The following YAF2 variants were observed in gnomAD, a reference collection of about 807,000 sequenced individuals.
The protein encoded by YAF2 is YY1 associated factor 2, also known as YY1-associated factor 2.
In YAF2, 7 loss-of-function variants were observed where a neutral mutation model predicts 20.1. That is an observed-to-expected ratio of 0.35 (90% CI 0.20 to 0.65). The LOEUF (loss-of-function observed/expected upper bound fraction) is 0.65, where lower values mean the gene tolerates loss of function less well. Ranked by LOEUF, YAF2 falls within the 30% of genes least tolerant of loss-of-function variation. The pLI is 0.69. For synonymous variants in YAF2, 74 were observed against 76.0 expected (o/e 0.97, Z 0.14); for missense variants, 151 against 219.2 (o/e 0.69, Z 1.96).
At chr12:42,176,416 C>T (rs573965080) in intron 2 of YAF2, among the ~76,000 whole-genome samples, 1 of 152,004 alleles carries the variant, frequency 6.6e-6, no homozygotes, top group African/African-American at 2.4e-5. Context: ...CAACCATGCC[C>T]AACCAACAAT....
intron 2 of YAF2, among the ~76,000 whole-genome samples, chr12:42,167,103 C>A (rs2065932879): frequency 6.7e-6 from 1 of 149,612 alleles, no homozygotes; most frequent in African/African-American, 2.5e-5. Flanking sequence ...AACACATGGA[C>A]ACAGGGAGGG....
At chr12:42,237,885 G>C (rs1477238504) in intron 1 of YAF2, 161 bp from the exon 2 acceptor site, 3 of 635,842 alleles carry the variant, frequency 4.7e-6, no homozygotes, top group Non-Finnish European at 5.9e-6. Context: ...GGGGAAGGGA[G>C]TCAGGAAGAG....
intron 2 of YAF2, among the ~76,000 whole-genome samples, chr12:42,196,445 G>A (rs960418518): frequency 1.3e-5 from 2 of 152,126 alleles, no homozygotes; most frequent in African/African-American, 4.8e-5. Flanking sequence ...ATGTTAAGAA[G>A]TGTGGACCAT....
chr12:42,192,243 C>T (rs1488351915), intron 2 of YAF2, among the ~76,000 whole-genome samples: 1 of 152,026 alleles, frequency 6.6e-6, no homozygotes, highest in Non-Finnish European at 1.5e-5. Flanking sequence ...CATCGTGGCA[C>T]ATGCCTGTAA....
At chr12:42,218,186 ACACACACACACACACACAC>A (rs1175304098) in intron 2 of YAF2, among the ~76,000 whole-genome samples, 1 of 5,334 alleles carries the variant, frequency 1.9e-4, no homozygotes, top group Non-Finnish European at 4.1e-4. Context: ...CTACTAGGAA[ACACACACACACACACACAC>A]ACACACACAC....
chr12:42,221,247 T>G (rs908670762), intron 2 of YAF2, among the ~76,000 whole-genome samples: 1 of 152,152 alleles, frequency 6.6e-6, no homozygotes, highest in Admixed American at 6.6e-5. Flanking sequence ...TGCTAGCAAA[T>G]TTAATTAAAT....
At chr12:42,229,121 T>C (rs1374708569) in intron 2 of YAF2, among the ~76,000 whole-genome samples, 3 of 53,426 alleles carry the variant, frequency 5.6e-5, no homozygotes, top group South Asian at 6.8e-4. Context: ...CCCCCAACCC[T>C]GTGCTCTCTG....
chr12:42,230,053 T>C lies in YAF2; in HGVS notation c.152+7546A>G, dbSNP rs188447692. ...GCAGGCGGATCACGAGGTCAGGAGA[T>C]GGAGACCATCCTGGCCAACATGGTG... On this transcript the variant is annotated intron_variant, in intron 2 of 3. Transcript: ENST00000534854. Among the ~76,000 whole-genome samples the C allele has an allele frequency of 1.7e-4, 26 of 152,164 alleles. No homozygotes were observed. In the East Asian group the frequency reaches 4.1e-3, roughly 24 times the overall value.
intron 2 of YAF2, among the ~76,000 whole-genome samples, chr12:42,200,226 A>G (rs1252450212): frequency 6.6e-6 from 1 of 152,238 alleles, no homozygotes; most frequent in Non-Finnish European, 1.5e-5. Context: ...CGTGCTCCAA[A>G]TCAAGACATT....
Position 42,233,936 on chromosome 12 carries a change from C to T in YAF2, c.152+3663G>A, listed in dbSNP as rs546724932. On this transcript the variant is annotated intron_variant, in intron 2 of 3. Transcript: ENST00000534854. Reference sequence around the variant, plus strand: ...CTGTAATCCCAGCACTTTGGGAAGCCGACGCAGACGGATCACCTGAGGTCA... The same window carrying T: ...CTGTAATCCCAGCACTTTGGGAAGCTGACGCAGACGGATCACCTGAGGTCA... 130 of 980,380 alleles carry T rather than the reference C, an allele frequency of 1.3e-4. No individual in the cohort carries two copies. In the South Asian group the frequency reaches 2.7e-3, roughly 21 times the overall value. The allele number at this position is 980,380 out of a possible 1,614,324, so 60.7% of individuals were successfully genotyped here. A position where few individuals can be genotyped will look rare whatever the true frequency, so the allele number is the denominator to read the frequency against.
intron 2 of YAF2, among the ~76,000 whole-genome samples, chr12:42,188,792 C>T (rs187494353): frequency 6.6e-6 from 1 of 151,942 alleles, no homozygotes; most frequent in East Asian, 1.9e-4. Flanking sequence ...TGTTGAGACG[C>T]TATTCACTTC....
intron 2 of YAF2, among the ~76,000 whole-genome samples, chr12:42,163,126 T>C (rs2065835368): frequency 6.6e-6 from 1 of 152,104 alleles, no homozygotes; most frequent in Admixed American, 6.6e-5. Context: ...TATTTCTAAC[T>C]AGTTTCCAAG....
At chr12:42,188,266 T>C (rs992147142) in intron 2 of YAF2, among the ~76,000 whole-genome samples, 28 of 152,072 alleles carry the variant, frequency 1.8e-4, no homozygotes, top group Non-Finnish European at 3.8e-4. Flanking sequence ...ATGAATAGAA[T>C]AAATCAATGT....
chr12:42,205,620 G>A (rs1255642102), intron 2 of YAF2, among the ~76,000 whole-genome samples: 2 of 151,998 alleles, frequency 1.3e-5, no homozygotes, highest in Non-Finnish European at 2.9e-5. Flanking sequence ...TGATCCACCC[G>A]CCTCGGCCTC....
chr12:42,220,921 ATACT>A (rs1351215035), intron 2 of YAF2, among the ~76,000 whole-genome samples: 2 of 152,206 alleles, frequency 1.3e-5, no homozygotes, highest in African/African-American at 2.4e-5. Flanking sequence ...GAGAGAAATA[ATACT>A]TACTGGTATT....
intron 2 of YAF2, among the ~76,000 whole-genome samples, chr12:42,212,270 C>G (rs770647836): frequency 3.9e-5 from 6 of 152,124 alleles, no homozygotes; most frequent in African/African-American, 7.2e-5. Context: ...TCTTCAAGCT[C>G]ATATGAAGAT....
At chr12:42,221,439 A>T (rs1349454782) in intron 2 of YAF2, among the ~76,000 whole-genome samples, 1 of 145,218 alleles carries the variant, frequency 6.9e-6, no homozygotes, top group African/African-American at 2.6e-5. Flanking sequence ...GGTGTGATGG[A>T]GCACGCCTGT....
chr12:42,208,627 C>G (rs1016970411), intron 2 of YAF2, among the ~76,000 whole-genome samples: 1 of 152,042 alleles, frequency 6.6e-6, no homozygotes, highest in Non-Finnish European at 1.5e-5. Context: ...TAAATAAATT[C>G]CATGAATTAA....
chr12:42,170,796 T>C (rs570440055), intron 2 of YAF2, among the ~76,000 whole-genome samples: 1 of 152,246 alleles, frequency 6.6e-6, no homozygotes, highest in Non-Finnish European at 1.5e-5. Context: ...CAGTGAGCCG[T>C]GATTGTGCCA....
Sources: gnomAD v4.1 joint callset for allele counts (sites outside exome capture counted in the v4.1 genomes callset) on GRCh38, gnomAD v4.1.1 for gene constraint, MANE v1.5 for transcripts, NCBI Gene and HGNC (gene_info 2026-07-23, HGNC 2026-07-21) for gene names.